Variants in FAM53B observed in about 807,000 individuals in gnomAD.
FAM53B encodes the protein family with sequence similarity 53 member B, also known as protein FAM53B.
A neutral mutation model predicts 32.7 loss-of-function variants in FAM53B; 12 were observed. That is an observed-to-expected ratio of 0.37 (90% CI 0.24 to 0.59). FAM53B has a LOEUF of 0.59. FAM53B is among the 20% of genes least tolerant of loss of function. The pLI, the probability that FAM53B is intolerant of heterozygous loss-of-function variation, is 0.72. For synonymous variants in FAM53B, 234 were observed against 228.7 expected (o/e 1.02, Z -0.21); for missense variants, 477 against 577.7 (o/e 0.83, Z 1.79).
At chr10:124,629,930 C>T (rs1429190033) in intron 4 of FAM53B, among the ~76,000 whole-genome samples, 2 of 152,224 alleles carry the variant, frequency 1.3e-5, no homozygotes, top group Non-Finnish European at 2.9e-5. Flanking sequence ...GCTTCTTTTC[C>T]TCTGAGGCTG....
intron 4 of FAM53B, among the ~76,000 whole-genome samples, chr10:124,661,387 C>T (rs1589741943): frequency 6.6e-6 from 1 of 152,192 alleles, no homozygotes; most frequent in East Asian, 1.9e-4. Flanking sequence ...AGCAGAAGGG[C>T]CCATGGCTGC....
intron 4 of FAM53B, among the ~76,000 whole-genome samples, chr10:124,644,442 C>T (rs1179690623): frequency 6.6e-6 from 1 of 152,222 alleles, no homozygotes; most frequent in Non-Finnish European, 1.5e-5. Flanking sequence ...GCCCTCCTTC[C>T]TTCCTTCCCT....
In FAM53B at chr10:124,744,288, G is replaced by C. The variant is rs1425030216; in HGVS notation, c.-450C>G. 1.4e-5 allele frequency: 2 copies of C among 147,732 alleles called. No individual in the cohort carries two copies. Among genetic ancestry groups the C allele is most frequent in the Non-Finnish European group, 3.0e-5 (2 of 66,108 alleles). The allele number at this position is 147,732 out of a possible 1,614,324, so 9.2% of individuals were successfully genotyped here. Reference sequence around the variant, plus strand: ...CTGCGTGAACTCGGCCCGGCGCTTAGCGGGCGGTGTCGCGGGCCCGGGCGC... The same window carrying C: ...CTGCGTGAACTCGGCCCGGCGCTTACCGGGCGGTGTCGCGGGCCCGGGCGC... On this transcript the variant is annotated 5_prime_UTR_variant, in exon 1 of 5. Coordinates refer to ENST00000337318, the MANE Select transcript of FAM53B (RefSeq NM_014661.4).
intron 1 of FAM53B, among the ~76,000 whole-genome samples, chr10:124,735,036 AGGCCGAGCTGGG>A (rs1449304741): frequency 2.0e-5 from 3 of 152,188 alleles, no homozygotes; most frequent in African/African-American, 7.2e-5. Context: ...ATCACACCGC[AGGCCGAGCTGGG>A]GGCAGGCGCT....
intron 1 of FAM53B, among the ~76,000 whole-genome samples, chr10:124,741,516 C>T (rs1236364688): frequency 6.6e-6 from 1 of 152,220 alleles, no homozygotes; most frequent in Non-Finnish European, 1.5e-5. Context: ...CCTCTCTGGC[C>T]TCCAAAAGGG....
intron 2 of FAM53B, chr10:124,704,440 GA>G: frequency 6.6e-6 from 1 of 152,468 alleles, no homozygotes; most frequent in Non-Finnish European, 1.5e-5. Context: ...AGGGAAAAAG[GA>G]AAAGAGGAGA....
At chr10:124,727,414 T>A (rs1950112960) in intron 1 of FAM53B, among the ~76,000 whole-genome samples, 1 of 151,314 alleles carries the variant, frequency 6.6e-6, no homozygotes, top group Non-Finnish European at 1.5e-5. Flanking sequence ...GAAGGGCCCC[T>A]GGCCTGAGAC....
intron 2 of FAM53B, among the ~76,000 whole-genome samples, chr10:124,704,792 T>G (rs561215938): frequency 6.6e-6 from 1 of 152,332 alleles, no homozygotes; most frequent in East Asian, 1.9e-4. Flanking sequence ...CAGCTCTGAC[T>G]GGGATTCTCT....
At chr10:124,628,830 C>A (rs538956209) in intron 4 of FAM53B, among the ~76,000 whole-genome samples, 2 of 152,230 alleles carry the variant, frequency 1.3e-5, no homozygotes, top group Non-Finnish European at 2.9e-5. Context: ...TCAAGTCCCA[C>A]GTGCTAGTCA....
chr10:124,735,700 G>A (rs975368475), intron 1 of FAM53B, among the ~76,000 whole-genome samples: 1 of 152,222 alleles, frequency 6.6e-6, no homozygotes, highest in African/African-American at 2.4e-5. Context: ...GCCACAGGCT[G>A]CGTGAGATAC....
intron 1 of FAM53B, among the ~76,000 whole-genome samples, chr10:124,730,109 T>C (rs564932462): frequency 6.6e-6 from 1 of 152,350 alleles, no homozygotes; most frequent in African/African-American, 2.4e-5. Flanking sequence ...GTAGCCATCA[T>C]TTTGAATGAA....
At chr10:124,721,504 C>G (rs1336739869) in intron 1 of FAM53B, among the ~76,000 whole-genome samples, 1 of 152,232 alleles carries the variant, frequency 6.6e-6, no homozygotes, top group Non-Finnish European at 1.5e-5. Context: ...AGGTCACAGT[C>G]TGTAAGGGAG....
intron 4 of FAM53B, among the ~76,000 whole-genome samples, chr10:124,672,350 G>C (rs536714421): frequency 6.6e-6 from 1 of 152,384 alleles, no homozygotes; most frequent in African/African-American, 2.4e-5. Flanking sequence ...GGGCTGGGAG[G>C]GGCTTCCCAC....
At chr10:124,638,682 C>T (rs1949449525) in intron 4 of FAM53B, among the ~76,000 whole-genome samples, 2 of 152,314 alleles carry the variant, frequency 1.3e-5, no homozygotes, top group South Asian at 4.1e-4. Flanking sequence ...AAGCAGAGAC[C>T]CCAGGCATGC....
intron 4 of FAM53B, among the ~76,000 whole-genome samples, chr10:124,656,753 G>C (rs1311672906): frequency 6.6e-6 from 1 of 152,114 alleles, no homozygotes; most frequent in Non-Finnish European, 1.5e-5. Flanking sequence ...GGATACAAGA[G>C]CATCAACATT....
At chr10:124,727,032 A>T (rs1005691521) in intron 1 of FAM53B, among the ~76,000 whole-genome samples, 2 of 152,084 alleles carry the variant, frequency 1.3e-5, no homozygotes, top group African/African-American at 4.8e-5. Context: ...ACTTATTTAT[A>T]TTTGGAGACA....
Position 124,651,819 on chromosome 10 carries a change from G to A in FAM53B, c.907-28215C>T, listed in dbSNP as rs1351471196. Among the ~76,000 whole-genome samples the A allele has an allele frequency of 6.6e-6, 1 of 152,186 alleles. No individual in the cohort carries two copies. The highest frequency in any genetic ancestry group is 1.5e-5 in the Non-Finnish European group (1 of 68,026). On this transcript the variant is annotated intron_variant, in intron 4 of 4. Coordinates refer to ENST00000337318, the MANE Select transcript of FAM53B (RefSeq NM_014661.4). The surrounding 1 kb of genome is among the most constrained non-coding windows in gnomAD (Gnocchi z 5.2). ...CCACCCCTGCTGTCTACTATGACTG[G>A]GCCTGGAACGTTCACGCCAGCCCCA...
rs60351967 is a variant in FAM53B, at chr10:124,693,466, C to CA, written c.133+2691dup. Among the ~76,000 whole-genome samples, 502 of 94,626 alleles carry CA rather than the reference C, an allele frequency of 5.3e-3. 2 individuals carry two copies. Among genetic ancestry groups the CA allele is most frequent in the African/African-American group, 0.011 (277 of 24,746 alleles). The allele number at this position is 94,626 out of a possible 152,430, so 62.1% of individuals were successfully genotyped here. A position where few individuals can be genotyped will look rare whatever the true frequency, so the allele number is the denominator to read the frequency against. Reference sequence around the variant, plus strand: ...GCCTGGCGACAGTGAGACTCTGTCTCAAAAAAAAAAAAAAAAGAAAAGCAG... The same window carrying CA: ...GCCTGGCGACAGTGAGACTCTGTCTCAAAAAAAAAAAAAAAAAGAAAAGCAG... On this transcript the variant is annotated intron_variant, in intron 3 of 4. Transcript: ENST00000337318.
At chr10:124,736,836 C>A (rs139340717) in intron 1 of FAM53B, among the ~76,000 whole-genome samples, 1 of 152,386 alleles carries the variant, frequency 6.6e-6, no homozygotes, top group East Asian at 1.9e-4. Context: ...CACCCACGCC[C>A]CCTCCTAGAA....
Sources: gnomAD v4.1 joint callset for allele counts (sites outside exome capture counted in the v4.1 genomes callset) on GRCh38, gnomAD v4.1.1 for gene constraint, Gnocchi (gnomAD v3.1) non-coding constraint, MANE v1.5 for transcripts, NCBI Gene and HGNC (gene_info 2026-07-23, HGNC 2026-07-21) for gene names.